Variants in IGFBPL1 observed in about 807,000 individuals in gnomAD.
IGFBPL1 encodes insulin-like growth factor-binding protein-like 1.
In IGFBPL1, 20 loss-of-function variants were observed where a neutral mutation model predicts 23.9. That is an observed-to-expected ratio of 0.84 (90% CI 0.59 to 1.22). The LOEUF (loss-of-function observed/expected upper bound fraction) is 1.22. IGFBPL1 is among the 50% of genes most tolerant of loss of function. The pLI is 0.00. For synonymous variants in IGFBPL1, 184 were observed against 171.8 expected (o/e 1.07, Z -0.56); for missense variants, 436 against 379.3 (o/e 1.15, Z -1.24).
At chr9:38,412,015 C>G (rs1821520158) in intron 3 of IGFBPL1, among the ~76,000 whole-genome samples, 1 of 152,190 alleles carries the variant, frequency 6.6e-6, no homozygotes, top group Non-Finnish European at 1.5e-5. Flanking sequence ...AAAAACCGCA[C>G]AGCCAATTGC....
At chr9:38,416,851 A>ATTT (rs201272409) in intron 1 of IGFBPL1, among the ~76,000 whole-genome samples, 111 of 147,458 alleles carry the variant, frequency 7.5e-4, no homozygotes, top group Middle Eastern at 3.4e-3. Context: ...ATTAAAAAAA[A>ATTT]TTTTTTTTTT....
intron 4 of IGFBPL1, 38 bp downstream of exon 4, chr9:38,411,352 CA>C: frequency 6.4e-7 from 1 of 1,554,886 alleles, no homozygotes; most frequent in Non-Finnish European, 8.8e-7. Context: ...TATCTCATAA[CA>C]TGGGTGTAAA....
At chr9:38,418,090 C>T (rs1196417507) in intron 1 of IGFBPL1, among the ~76,000 whole-genome samples, 1 of 152,212 alleles carries the variant, frequency 6.6e-6, no homozygotes, top group Middle Eastern at 3.2e-3. Flanking sequence ...AACATCACCC[C>T]CAGGGAACAG....
rs746858291 is a variant in IGFBPL1 at position 38,419,545 on chromosome 9, C to T, written c.460+4420G>A. ...AAGATTCAGGGTCTCAGGAGCTCAC[C>T]GAAGCTGCCAGGGCTCAATGCCCTG... On this transcript the variant is annotated intron_variant, in intron 1 of 4. Transcript: ENST00000377694. Among the ~76,000 whole-genome samples the T allele has an allele frequency of 1.3e-3, 193 of 152,180 alleles. 1 individual carries two copies. The highest frequency in any genetic ancestry group is 4.3e-3 in the African/African-American group (179 of 41,518).
At chr9:38,410,303 A>T (rs1329117681) in intron 4 of IGFBPL1, among the ~76,000 whole-genome samples, 1 of 151,902 alleles carries the variant, frequency 6.6e-6, no homozygotes, top group Non-Finnish European at 1.5e-5. Flanking sequence ...TAACACGGTG[A>T]AACCCCGTCT....
chr9:38,417,011 T>C (rs1014001815), intron 1 of IGFBPL1, among the ~76,000 whole-genome samples: 2 of 152,186 alleles, frequency 1.3e-5, no homozygotes, highest in Non-Finnish European at 2.9e-5. Context: ...TATTTTAACA[T>C]ATCTGATTTT....
chr9:38,411,248 A>G, intron 4 of IGFBPL1, 143 bp downstream of exon 4: 1 of 655,288 alleles, frequency 1.5e-6, no homozygotes, highest in Non-Finnish European at 2.6e-6. Context: ...CTGCTCATCT[A>G]AGTATGTCCC....
intron 1 of IGFBPL1, among the ~76,000 whole-genome samples, chr9:38,421,635 T>C (rs1318947497): frequency 6.6e-6 from 1 of 152,182 alleles, no homozygotes; most frequent in Non-Finnish European, 1.5e-5. Flanking sequence ...CAGTCTGTTT[T>C]CCTTCAACCG....
rs535436305 is a variant in IGFBPL1, at chr9:38,420,529, G to A, written c.460+3436C>T. ...GGTTGCTAGCGGCTAGCTGTGCAGC[G>A]CCCATCTGAAAATAGCGAGGCAGGC... On this transcript the variant is annotated intron_variant, in intron 1 of 4. Transcript: ENST00000377694. 3.3e-5 allele frequency among the ~76,000 whole-genome samples: 5 copies of A among 152,316 alleles called. No homozygotes were observed. In the East Asian group the frequency reaches 5.8e-4, roughly 18 times the overall value.
chr9:38,416,183 G>A (rs577448899), intron 1 of IGFBPL1, among the ~76,000 whole-genome samples: 1 of 152,348 alleles, frequency 6.6e-6, no homozygotes, highest in South Asian at 2.1e-4. Flanking sequence ...TCGCTGTGGT[G>A]ACAGTCAGAA....
intron 1 of IGFBPL1, among the ~76,000 whole-genome samples, chr9:38,423,670 C>A (rs1821714194): frequency 6.6e-6 from 1 of 152,174 alleles, no homozygotes; most frequent in Non-Finnish European, 1.5e-5. Flanking sequence ...AACTCCCAGT[C>A]TCCTGCTGGG....
chr9:38,418,969 G>A (rs12341172), intron 1 of IGFBPL1, among the ~76,000 whole-genome samples: 9,825 of 152,158 alleles, frequency 0.065, 1,048 homozygotes, highest in African/African-American at 0.22. Context: ...AAATGAAGAT[G>A]ATGACCGCAG....
At chr9:38,409,383 C>A (rs560628990) in intron 4 of IGFBPL1, among the ~76,000 whole-genome samples, 166 bp from the exon 5 acceptor site, 1 of 152,284 alleles carries the variant, frequency 6.6e-6, no homozygotes, top group East Asian at 1.9e-4. Context: ...CCAAGAAGTA[C>A]TTTTAAGACC....
intron 3 of IGFBPL1, among the ~76,000 whole-genome samples, chr9:38,412,166 C>T (rs1162160872): frequency 2.6e-5 from 4 of 152,148 alleles, no homozygotes; most frequent in East Asian, 3.8e-4. Flanking sequence ...TTTGCTTTCT[C>T]GTTACAACCA....
intron 3 of IGFBPL1, among the ~76,000 whole-genome samples, chr9:38,412,467 T>G (rs1316223236): frequency 6.6e-6 from 1 of 152,184 alleles, no homozygotes; most frequent in Admixed American, 6.5e-5. Context: ...TGTGGCATTC[T>G]TCATCTTGGT....
rs9774828 is a variant in IGFBPL1, at chr9:38,414,280, C to T, written c.461-77G>A. On this transcript the variant is annotated intron_variant, in intron 1 of 4. Transcript: ENST00000377694. ...AACCCACCTCTAAATTCCCCTGCCG[C>T]GGAGAGCCCGCTGTGATGTCCTGAC... 0.017 allele frequency: 13,646 copies of T among 793,482 alleles called. 1,256 individuals carry two copies. In the African/African-American group the frequency reaches 0.2, roughly 12 times the overall value. 49.2% of individuals were successfully genotyped at this position (793,482 alleles called of 1,614,324 possible). A position where few individuals can be genotyped will look rare whatever the true frequency, so the allele number is the denominator to read the frequency against.
intron 1 of IGFBPL1, among the ~76,000 whole-genome samples, chr9:38,415,629 CG>C (rs915485083): frequency 6.6e-6 from 1 of 152,206 alleles, no homozygotes; most frequent in African/African-American, 2.4e-5. Flanking sequence ...TGCCTGACCA[CG>C]TATGACATGC....
At position 38,422,042 on chromosome 9, in the gene IGFBPL1, G is replaced by T. The variant is rs561563848; in HGVS notation, c.460+1923C>A. Among the ~76,000 whole-genome samples, 7 of 152,300 alleles carry T rather than the reference G, an allele frequency of 4.6e-5. No individual in the cohort carries two copies. In the East Asian group the frequency reaches 1.3e-3, roughly 29 times the overall value. On this transcript the variant is annotated intron_variant, in intron 1 of 4. Transcript: ENST00000377694. ...AGTGAAGGGGCTGTCACATTTACTTGTCATTTGGTAATTTTCAGTGAATTA... is the reference window on the plus strand; with the variant it reads ...AGTGAAGGGGCTGTCACATTTACTTTTCATTTGGTAATTTTCAGTGAATTA...
chr9:38,415,535 GC>G (rs1243306792), intron 1 of IGFBPL1, among the ~76,000 whole-genome samples: 1 of 152,168 alleles, frequency 6.6e-6, no homozygotes, highest in Non-Finnish European at 1.5e-5. Flanking sequence ...TCAAGCCAGT[GC>G]CAAAAAATCT....
Sources: gnomAD v4.1 joint callset for allele counts (sites outside exome capture counted in the v4.1 genomes callset) on GRCh38, gnomAD v4.1.1 for gene constraint, MANE v1.5 for transcripts, NCBI Gene and HGNC (gene_info 2026-07-23, HGNC 2026-07-21) for gene names.